Variants in ASPM observed in about 807,000 individuals in gnomAD.
ASPM encodes the protein abnormal spindle-like microcephaly-associated protein.
In ASPM, 256 loss-of-function variants were observed where a neutral mutation model predicts 366.4. The observed-to-expected ratio is 0.70, with a 90% CI of 0.63 to 0.77. The LOEUF (loss-of-function observed/expected upper bound fraction) is 0.77, where lower values mean the gene tolerates loss of function less well. Ranked by LOEUF, ASPM falls within the 30% of genes least tolerant of loss-of-function variation. The probability of loss-of-function intolerance (pLI) is 0.00; values close to 1 mark genes in which losing one functional copy is unlikely to be tolerated. For synonymous variants in ASPM, 1,414 were observed against 1,342.9 expected, an observed-to-expected ratio of 1.05 and a Z score of -1.16; for missense variants, 4,146 against 4,090.4, an observed-to-expected ratio of 1.01 and a Z score of -0.37.
At chr1:197,142,248 C>T in intron 3 of ASPM, 83 bp downstream of exon 3, 2 of 1,421,824 alleles carry the variant, frequency 1.4e-6, no homozygotes, top group South Asian at 1.2e-5. Context: ...ATAATACAAG[C>T]TTATCAATAG....
At position 197,103,363 on chromosome 1, in the gene ASPM, AGT is replaced by A. The variant is rs1195774693; in HGVS notation, c.5886_5887del (p.Leu1963GlufsTer9). The A allele has an allele frequency of 1.2e-6, 2 of 1,613,128 alleles. No homozygotes were observed. The highest frequency in any genetic ancestry group is 1.3e-5 in the African/African-American group (1 of 74,800). ...ATGTTGCCTTTGAAGCTGTCTTCTC[AGT>A]GTTTTTCCCTTCCACATAGATTGAA... On this transcript the variant is annotated frameshift_variant, in exon 18 of 28. Coordinates refer to ENST00000367409, the MANE Select transcript of ASPM (RefSeq NM_018136.5). LOFTEE classifies it high-confidence loss of function.
At chr1:197,089,024 C>T (rs1463422580) in intron 25 of ASPM, among the ~76,000 whole-genome samples, 1 of 151,956 alleles carries the variant, frequency 6.6e-6, no homozygotes, top group African/African-American at 2.4e-5. Context: ...AACAACATAG[C>T]TGACCCTTTG....
At chr1:197,107,378 G>A (rs764606549) in intron 17 of ASPM, among the ~76,000 whole-genome samples, 1 of 152,070 alleles carries the variant, frequency 6.6e-6, no homozygotes, top group African/African-American at 2.4e-5. Context: ...CTGAAGCTAC[G>A]CTCATGGAAG....
At position 197,102,711 on chromosome 1, in the gene ASPM, T is replaced by TA; in HGVS notation, c.6539dup (p.Arg2181LysfsTer3). ...TCTTTCTAAGAGTCCGTCTAACTCT[T>TA]ACTCCTCTAAAACTTGCCTGAAGGA... On this transcript the variant is annotated frameshift_variant, in exon 18 of 28. Coordinates refer to ENST00000367409, the MANE Select transcript of ASPM (RefSeq NM_018136.5). LOFTEE classifies it high-confidence loss of function. 6.2e-7 allele frequency: 1 copy of TA among 1,612,732 alleles called. No homozygotes were observed. The highest frequency in any genetic ancestry group is 8.5e-7 in the Non-Finnish European group (1 of 1,179,282).
chr1:197,109,682 T>C (rs1657527747), intron 17 of ASPM, among the ~76,000 whole-genome samples: 1 of 152,054 alleles, frequency 6.6e-6, no homozygotes, highest in African/African-American at 2.4e-5. Context: ...AACACGACTA[T>C]GTAGAAAATC....
At chr1:197,107,374 C>A (rs1463423709) in intron 17 of ASPM, among the ~76,000 whole-genome samples, 1 of 152,092 alleles carries the variant, frequency 6.6e-6, no homozygotes, top group Non-Finnish European at 1.5e-5. Flanking sequence ...GTCACTGAAG[C>A]TACGCTCATG....
chr1:197,131,114 C>T (rs974782449), intron 7 of ASPM, among the ~76,000 whole-genome samples: 1 of 152,120 alleles, frequency 6.6e-6, no homozygotes, highest in African/African-American at 2.4e-5. Flanking sequence ...TAAGAAATCC[C>T]AGCAATGACA....
In ASPM at chr1:197,100,765, A is replaced by C. The variant is rs1657137377; in HGVS notation, c.8486T>G (p.Val2829Gly). ...VTIQKAFCRM[V>G]TRKLETQKCA... ...TTTCTGTGTTTCCAGTTTTCTTGTG[A>C]CCATTCTACAAAAAGCTTTTTGAAT... The change falls in exon 18 of 28, where the codon GTC (valine) becomes GGC (glycine). Residue 2829 changes from valine to glycine, a missense_variant. Val to Gly is a moderately radical substitution (Grantham distance 109). Around this residue, in one of 3 missense-constraint regions of ASPM, gnomAD observed 3,624 missense variants for 3,591.7 expected, o/e 1.01. Coordinates refer to ENST00000367409, the MANE Select transcript of ASPM (RefSeq NM_018136.5). The C allele has an allele frequency of 1.2e-6, 2 of 1,612,388 alleles. No individual in the cohort carries two copies. Among genetic ancestry groups the C allele is most frequent in the African/African-American group, 1.3e-5 (1 of 74,776 alleles).
In ASPM at chr1:197,093,114, C is replaced by G; in HGVS notation, c.9232G>C (p.Glu3078Gln). ...AGGATAACTGTAGATTTTTTAAATT[C>G]AATATATTTTATCCTTTCATGCTTT... ...AGKHERIKYI[E>Q]FKKSTVILQA... Residue 3078 changes from glutamate (E) to glutamine (Q), a missense_variant, in exon 21 of 28, where the codon GAA (glutamate) becomes CAA (glutamine). Around this residue, in one of 3 missense-constraint regions of ASPM, gnomAD observed 3,624 missense variants for 3,591.7 expected, o/e 1.01. Coordinates refer to ENST00000367409, the MANE Select transcript of ASPM (RefSeq NM_018136.5). 1 of 1,612,220 alleles carries G rather than the reference C, an allele frequency of 6.2e-7. No individual in the cohort carries two copies. The highest frequency in any genetic ancestry group is 8.5e-7 in the Non-Finnish European group (1 of 1,178,814).
chr1:197,129,327 A>G lies in ASPM; in HGVS notation c.2630-10T>C. 6.2e-7 allele frequency: 1 copy of G among 1,611,358 alleles called. No individual in the cohort carries two copies. Among genetic ancestry groups the G allele is most frequent in the South Asian group, 1.1e-5 (1 of 90,770 alleles). On this transcript the variant is annotated splice_polypyrimidine_tract_variant and intron_variant, in intron 8 of 27. Coordinates refer to ENST00000367409, the MANE Select transcript of ASPM (RefSeq NM_018136.5). Reference sequence around the variant, plus strand: ...AAAGCTTCTTCATGACCTTAAATAAAGTACAAAAAAGCACAGCAAGTTAAT... The same window carrying G: ...AAAGCTTCTTCATGACCTTAAATAAGGTACAAAAAAGCACAGCAAGTTAAT...
chr1:197,124,724 T>C (rs1304532545), intron 12 of ASPM, 146 bp downstream of exon 12: 2 of 593,184 alleles, frequency 3.4e-6, no homozygotes, highest in East Asian at 3.2e-5. Context: ...TACATATATA[T>C]ATATAGCATT....
At position 197,101,565 on chromosome 1, in the gene ASPM, G is replaced by C; in HGVS notation, c.7686C>G (p.Ser2562Arg). 6.2e-7 allele frequency: 1 copy of C among 1,609,398 alleles called. No individual in the cohort carries two copies. The highest frequency in any genetic ancestry group is 1.1e-5 in the South Asian group (1 of 91,026). The part of the protein sequence containing the change: ...EKHKASIVIQ[S>R]TYRMYRQYCF... ...AATACTGCCTATACATTCTGTAGGT[G>C]CTTTGTATTACGATAGAAGCTTTGT... Residue 2562 changes from serine (S) to arginine (R), a missense_variant, in exon 18 of 28, where the codon AGC becomes AGG. Around this residue, in one of 3 missense-constraint regions of ASPM, gnomAD observed 3,624 missense variants for 3,591.7 expected, o/e 1.01. Coordinates refer to ENST00000367409, the MANE Select transcript of ASPM (RefSeq NM_018136.5).
chr1:197,104,337 C>T lies in ASPM; in HGVS notation c.4914G>A (p.Val1638=), dbSNP rs759159863. 33 of 1,612,902 alleles carry T rather than the reference C, an allele frequency of 2.0e-5. No individual in the cohort carries two copies. In the Admixed American group the frequency reaches 5.5e-4, roughly 27 times the overall value. Residue 1638 remains valine, a synonymous_variant, in exon 18 of 28, where the codon GTG becomes GTA. Transcript: ENST00000367409. ...SYQKTRSAVI[V]LQSAYRGMQA... is the part of the protein sequence containing the mutation. Reference sequence around the variant, plus strand: ...GCATCCCTCTATATGCAGACTGCAGCACAATGACAGCAGAGCGTGTTTTCT... The same window carrying T: ...GCATCCCTCTATATGCAGACTGCAGTACAATGACAGCAGAGCGTGTTTTCT...
chr1:197,132,439 GA>G (rs1246856538), intron 6 of ASPM, 87 bp from the exon 7 acceptor site: 7 of 1,067,910 alleles, frequency 6.6e-6, no homozygotes, highest in South Asian at 1.4e-5. Context: ...ATATCAGTGG[GA>G]AAAAAATACT....
rs368591766 is a variant in ASPM, at chr1:197,103,745, T to C, written c.5506A>G (p.Arg1836Gly). 1 of 1,612,760 alleles carries C rather than the reference T, an allele frequency of 6.2e-7. No homozygotes were observed. Among genetic ancestry groups the C allele is most frequent in the Non-Finnish European group, 8.5e-7 (1 of 1,179,354 alleles). ...TATTTTACCCTTTTATTATAGCCTCTAAAAGCAGACTGAATTTTAAGAGCA... is the reference window on the plus strand; with the variant it reads ...TATTTTACCCTTTTATTATAGCCTCCAAAAGCAGACTGAATTTTAAGAGCA... ...IAALKIQSAF[R>G]GYNKRVKYQS... The change falls in exon 18 of 28, where the codon AGA becomes GGA. Residue 1836 changes from arginine (R) to glycine (G), a missense_variant. Arg to Gly is a moderately radical substitution (Grantham distance 125). Transcript: ENST00000367409.
intron 16 of ASPM, 123 bp from the exon 17 acceptor site, chr1:197,118,106 C>T (rs1657797049): frequency 1.1e-6 from 1 of 908,040 alleles, no homozygotes. Flanking sequence ...CACCCCTACA[C>T]TTCTTGTGTT....
In ASPM at chr1:197,125,087, T is replaced by G; in HGVS notation, c.3041A>C (p.Gln1014Pro). 6.2e-7 allele frequency: 1 copy of G among 1,614,100 alleles called. No individual in the cohort carries two copies. Among genetic ancestry groups the G allele is most frequent in the Non-Finnish European group, 8.5e-7 (1 of 1,179,970 alleles). ...QKMHNVDIVLQVLKSRGIELS... is the reference protein window; with the variant it reads ...QKMHNVDIVLPVLKSRGIELS... The stretch of plus-strand genomic sequence containing the variant: ...TTCAATTCCTCGTGATTTAAGAACT[T>G]GAAGAACAATGTCAACATTGTGCAT... Residue 1014 changes from glutamine to proline, a missense_variant, in exon 11 of 28, where the codon CAA (glutamine) becomes CCA (proline). Gln to Pro is a moderately conservative substitution (Grantham distance 76). Transcript: ENST00000367409.
rs779253430 is a variant in ASPM, at chr1:197,102,480, T to C, written c.6771A>G (p.Arg2257=). ...QAIFRGKKAR[R]HLKMMHIAAT... ...CGGCTATATGCATCATTTTTAAATGTCTTCTAGCTTTCTTTCCCCTAAAAA... is the reference window on the plus strand; with the variant it reads ...CGGCTATATGCATCATTTTTAAATGCCTTCTAGCTTTCTTTCCCCTAAAAA... The change falls in exon 18 of 28, where the codon AGA becomes AGG. Residue 2257 remains arginine, a synonymous_variant. Transcript: ENST00000367409. The C allele has an allele frequency of 1.2e-6, 2 of 1,612,760 alleles. No homozygotes were observed. The highest frequency in any genetic ancestry group is 2.2e-5 in the South Asian group (2 of 91,054).
chr1:197,122,875 G>C (rs1341327846), intron 13 of ASPM, among the ~76,000 whole-genome samples: 2 of 152,084 alleles, frequency 1.3e-5, no homozygotes, highest in African/African-American at 4.8e-5. Context: ...AAGCCACCTA[G>C]TTTGCTGTAA....
Sources: gnomAD v4.1 joint callset for allele counts (sites outside exome capture counted in the v4.1 genomes callset) on GRCh38, gnomAD v4.1.1 for gene constraint, gnomAD v4.1.1 regional missense constraint, MANE v1.5 for transcripts, NCBI Gene and HGNC (gene_info 2026-07-23, HGNC 2026-07-21) for gene names.